Variants in NF1 observed in about 807,000 individuals in gnomAD.
NF1 encodes neurofibromin.
A neutral mutation model predicts 325.7 loss-of-function variants in NF1; 122 were observed. The observed-to-expected ratio is 0.37, with a 90% CI of 0.32 to 0.44. NF1 has a LOEUF of 0.44. Ranked by LOEUF, NF1 falls within the 20% of genes least tolerant of loss-of-function variation. The pLI, the probability that NF1 is intolerant of heterozygous loss-of-function variation, is 1.00. For missense variants in NF1, 2,140 were observed against 3,415.4 expected (o/e 0.63, Z 9.31); for synonymous variants, 1,091 against 1,186.0 (o/e 0.92, Z 1.65).
chr17:31,122,640 G>A (rs1168501177), intron 1 of NF1, among the ~76,000 whole-genome samples: 2 of 152,190 alleles, frequency 1.3e-5, no homozygotes, highest in African/African-American at 4.8e-5. Context: ...TGGGCCAAAA[G>A]AGCATTTCTA....
At chr17:31,206,408 TC>T in intron 12 of NF1, 37 bp downstream of exon 12, 1 of 1,612,610 alleles carries the variant, frequency 6.2e-7, no homozygotes, top group African/African-American at 1.3e-5. Flanking sequence ...TCACCTCCTT[TC>T]TATTGCATTT....
intron 36 of NF1, among the ~76,000 whole-genome samples, chr17:31,277,558 T>C (rs2068032179): frequency 6.6e-6 from 1 of 152,190 alleles, no homozygotes; most frequent in South Asian, 2.1e-4. Flanking sequence ...TACCCTGCTG[T>C]GTACCCTAAG....
At chr17:31,188,848 C>T (rs1006154055) in intron 8 of NF1, among the ~76,000 whole-genome samples, 18 of 152,196 alleles carry the variant, frequency 1.2e-4, no homozygotes, top group African/African-American at 2.4e-4. Context: ...CCTCCAGCGT[C>T]GGTCTTCAAG....
chr17:31,163,080 A>G (rs1639297720), intron 3 of NF1, 106 bp from the exon 4 acceptor site: 4 of 969,130 alleles, frequency 4.1e-6, no homozygotes, highest in South Asian at 1.4e-5. Flanking sequence ...TGTGTATGTA[A>G]GGTGTTCATT....
At chr17:31,343,234 C>G (rs2069873414) in intron 48 of NF1, 99 bp downstream of exon 48, 1 of 1,201,880 alleles carries the variant, frequency 8.3e-7, no homozygotes, top group East Asian at 2.5e-5. Flanking sequence ...AGTAAGTTAG[C>G]CCTTATGTCT....
intron 31 of NF1, among the ~76,000 whole-genome samples, chr17:31,255,448 C>G (rs2067567446): frequency 1.3e-5 from 2 of 151,822 alleles, no homozygotes. Flanking sequence ...TATAAGTTGA[C>G]TTACGAAACT....
At chr17:31,357,180 G>A (rs758782986) in intron 53 of NF1, 89 bp from the exon 54 acceptor site, 45 of 1,591,492 alleles carry the variant, frequency 2.8e-5, no homozygotes, top group Non-Finnish European at 3.7e-5. Flanking sequence ...AACATGAATA[G>A]GATACAGTCT....
chr17:31,301,494 G>A (rs2068572771), intron 36 of NF1, among the ~76,000 whole-genome samples: 1 of 152,040 alleles, frequency 6.6e-6, no homozygotes, highest in South Asian at 2.1e-4. Context: ...TTAGTTATAG[G>A]TTCCCAAAGG....
Position 31,349,227 on chromosome 17 carries a change from A to G in NF1, c.7297A>G (p.Thr2433Ala), listed in dbSNP as rs1597858568. The G allele has an allele frequency of 6.2e-7, 1 of 1,613,472 alleles. No homozygotes were observed. Among genetic ancestry groups the G allele is most frequent in the Non-Finnish European group, 8.5e-7 (1 of 1,179,816 alleles). ...HRNCDKFEVN[T>A]QSVAYLAALL... ...AAATTGTGACAAATTTGAAGTGAAT[A>G]CACAGAGCGTGGCCTACTTAGCAGG... Residue 2433 changes from threonine (T) to alanine (A), a missense_variant, in exon 49 of 58, where the codon ACA (threonine) becomes GCA (alanine). Coordinates refer to ENST00000358273, the MANE Select transcript of NF1 (RefSeq NM_001042492.3).
chr17:31,236,744 C>A (rs1243060038), intron 29 of NF1, among the ~76,000 whole-genome samples: 2 of 152,034 alleles, frequency 1.3e-5, no homozygotes, highest in African/African-American at 4.8e-5. Context: ...AGCCACCATG[C>A]CCAGCCCAGA....
At chr17:31,149,685 G>C (rs911411851) in intron 1 of NF1, among the ~76,000 whole-genome samples, 5 of 152,206 alleles carry the variant, frequency 3.3e-5, no homozygotes, top group African/African-American at 1.2e-4. Flanking sequence ...TGGAGGATCA[G>C]AGGAGTCCAC....
At chr17:31,340,847 CAA>C (rs1051607259) in intron 47 of NF1, among the ~76,000 whole-genome samples, 2 of 62,572 alleles carry the variant, frequency 3.2e-5, no homozygotes, top group African/African-American at 5.1e-5. Flanking sequence ...ATAAAAATAG[CAA>C]AAAAAAAAAA....
chr17:31,095,119 C>T lies in NF1; in HGVS notation c.-191C>T, dbSNP rs1598173324. ...CCTCCCCCCAGCCTCCTTGCCAACGCCCCCTTTCCCTCTCCCCCTCCCGCT... is the reference window on the plus strand; with the variant it reads ...CCTCCCCCCAGCCTCCTTGCCAACGTCCCCTTTCCCTCTCCCCCTCCCGCT... On this transcript the variant is annotated 5_prime_UTR_variant, in exon 1 of 58. Coordinates refer to ENST00000358273, the MANE Select transcript of NF1 (RefSeq NM_001042492.3). 7.1e-6 allele frequency: 3 copies of T among 425,510 alleles called. No individual in the cohort carries two copies. The East Asian group carries it at 1.3e-4, about 19-fold the overall frequency. 26.4% of individuals were successfully genotyped at this position (425,510 alleles called of 1,614,324 possible).
At chr17:31,155,568 A>C (rs1567814162) in intron 1 of NF1, among the ~76,000 whole-genome samples, 1 of 152,206 alleles carries the variant, frequency 6.6e-6, no homozygotes, top group Non-Finnish European at 1.5e-5. Context: ...TGGATAAGGG[A>C]AACGGTTGTA....
At chr17:31,168,847 A>G (rs1202878881) in intron 4 of NF1, among the ~76,000 whole-genome samples, 1 of 152,088 alleles carries the variant, frequency 6.6e-6, no homozygotes, top group East Asian at 1.9e-4. Context: ...ATTCCACTTC[A>G]TTGGGGGCTG....
intron 57 of NF1, among the ~76,000 whole-genome samples, chr17:31,370,510 G>A (rs993149096): frequency 4.6e-5 from 7 of 152,038 alleles, no homozygotes; most frequent in South Asian, 2.1e-4. Context: ...GATAAATAAG[G>A]CCTTTAAAAT....
At chr17:31,296,953 G>C (rs538793078) in intron 36 of NF1, 1 of 152,568 alleles carries the variant, frequency 6.6e-6, no homozygotes, top group South Asian at 2.1e-4. Flanking sequence ...GTATATTTCA[G>C]TGCCCATTTT....
rs180703519 is a variant in NF1 at position 31,227,131 on chromosome 17, A to G, written c.2252-87A>G. 4.1e-5 allele frequency: 55 copies of G among 1,345,734 alleles called. No individual in the cohort carries two copies. The African/African-American group carries it at 5.4e-4, about 13-fold the overall frequency. The allele number at this position is 1,345,734 out of a possible 1,614,324, so 83.4% of individuals were successfully genotyped here. Reference sequence around the variant, plus strand: ...TTGAAGCATTTGCTCTGCTCTTCCTACTCCTTTTGGGTGGAGCTTATCAGG... The same window carrying G: ...TTGAAGCATTTGCTCTGCTCTTCCTGCTCCTTTTGGGTGGAGCTTATCAGG... On this transcript the variant is annotated intron_variant, in intron 18 of 57. Coordinates refer to ENST00000358273, the MANE Select transcript of NF1 (RefSeq NM_001042492.3).
chr17:31,348,960 C>T (rs1363222706), intron 48 of NF1, among the ~76,000 whole-genome samples, 160 bp from the exon 49 acceptor site: 1 of 152,190 alleles, frequency 6.6e-6, no homozygotes, highest in Non-Finnish European at 1.5e-5. Context: ...TTCTCATTCA[C>T]ATATGCATGT....
Sources: gnomAD v4.1 joint callset for allele counts (sites outside exome capture counted in the v4.1 genomes callset) on GRCh38, gnomAD v4.1.1 for gene constraint, MANE v1.5 for transcripts, NCBI Gene and HGNC (gene_info 2026-07-23, HGNC 2026-07-21) for gene names.